CDC25A: variants seen among roughly 807,000 people sequenced by gnomAD.
CDC25A encodes cell division cycle 25A.
In CDC25A, 17 loss-of-function variants were observed where a neutral mutation model predicts 64.6. That is an observed-to-expected ratio of 0.26 (90% confidence interval 0.18 to 0.39). The LOEUF (loss-of-function observed/expected upper bound fraction) is 0.39. CDC25A is among the 10% of genes least tolerant of loss of function. The probability of loss-of-function intolerance (pLI) is 1.00; values close to 1 mark genes in which losing one functional copy is unlikely to be tolerated. For synonymous variants in CDC25A, 229 were observed against 238.6 expected (o/e 0.96, Z 0.37); for missense variants, 473 against 654.8 (o/e 0.72, Z 3.03).
At chr3:48,160,007 C>G (rs2031680957) in intron 13 of CDC25A, among the ~76,000 whole-genome samples, 2 of 152,154 alleles carry the variant, frequency 1.3e-5, no homozygotes, top group African/African-American at 2.4e-5. Flanking sequence ...CTCTACAGGC[C>G]CCTACTGCTG....
chr3:48,187,607 A>G (rs986052929), intron 1 of CDC25A, among the ~76,000 whole-genome samples, 171 bp downstream of exon 1: 35 of 152,322 alleles, frequency 2.3e-4, no homozygotes, highest in Admixed American at 1.4e-3. Context: ...CTCCCGCCCA[A>G]CATTCCGCCC....
chr3:48,162,061 A>C (rs998175273), intron 13 of CDC25A, among the ~76,000 whole-genome samples: 12 of 152,120 alleles, frequency 7.9e-5, no homozygotes, highest in Admixed American at 7.9e-4. Context: ...ACTACATCTC[A>C]AACAAACAAA....
intron 9 of CDC25A, 110 bp from the exon 10 acceptor site, chr3:48,168,054 G>A: frequency 1.6e-6 from 1 of 626,760 alleles, no homozygotes; most frequent in South Asian, 2.1e-5. Context: ...CCTACATTTA[G>A]TAAGAAGTTT....
intron 10 of CDC25A, among the ~76,000 whole-genome samples, chr3:48,166,191 G>C (rs1237788721): frequency 6.9e-6 from 1 of 144,644 alleles, no homozygotes; most frequent in Non-Finnish European, 1.6e-5. Context: ...GCTGGAGTGG[G>C]AAAATCGCTT....
chr3:48,176,622 G>A (rs1315346387), intron 8 of CDC25A, among the ~76,000 whole-genome samples: 2 of 147,550 alleles, frequency 1.4e-5, no homozygotes, highest in African/African-American at 5.0e-5. Flanking sequence ...CCAGCCTCAG[G>A]TAGGTATTTT....
At chr3:48,170,910 A>G (rs1415377014) in intron 9 of CDC25A, among the ~76,000 whole-genome samples, 2 of 152,170 alleles carry the variant, frequency 1.3e-5, no homozygotes, top group African/African-American at 2.4e-5. Context: ...AATGCTTGAC[A>G]TTTTCTCCAC....
Position 48,177,392 on chromosome 3 carries a change from G to C in CDC25A, c.735C>G (p.Leu245=). 6.2e-7 allele frequency: 1 copy of C among 1,613,772 alleles called. No homozygotes were observed. Among genetic ancestry groups the C allele is most frequent in the Non-Finnish European group, 8.5e-7 (1 of 1,179,694 alleles). ...TCACAAGGTTTGTAGTTCTCATGAC[G>C]AGAGGAGCTGTCCAGAGGCTTGCCA... ...SCMASLWTAP[L]VMRTTNLDNR... The change falls in exon 8 of 15, where the codon CTC becomes CTG. Residue 245 remains leucine, a synonymous_variant. Transcript: ENST00000302506.
chr3:48,161,197 A>G (rs1452312817), intron 13 of CDC25A: 1 of 152,418 alleles, frequency 6.6e-6, no homozygotes, highest in Non-Finnish European at 1.5e-5. Flanking sequence ...TGAATCCCAA[A>G]TCTTTCCCCA....
At chr3:48,172,890 A>G (rs2032319725) in intron 9 of CDC25A, among the ~76,000 whole-genome samples, 1 of 151,816 alleles carries the variant, frequency 6.6e-6, no homozygotes, top group African/African-American at 2.4e-5. Context: ...AACAGCCTAT[A>G]CAACTATGAG....
In CDC25A at chr3:48,159,430, G is replaced by A; in HGVS notation, c.1348C>T (p.Arg450Cys). Residue 450 changes from arginine (R) to cysteine (C), a missense_variant, in exon 14 of 15, where the codon CGC (arginine) becomes TGC (cysteine). Physicochemically the swap from Arg to Cys is radical, Grantham distance 180. Coordinates refer to ENST00000302506, the MANE Select transcript of CDC25A (RefSeq NM_001789.3). The stretch of plus-strand genomic sequence containing the variant: ...AGTTTGGGGTATTCATTACCCAGGC[G>A]ATCTCTCTCTCTCACATACCGGCAC... ...RMCRYVRERD[R>C]LGNEYPKLHY... 1 of 1,613,704 alleles carries A rather than the reference G, an allele frequency of 6.2e-7. No individual in the cohort carries two copies. Among genetic ancestry groups the A allele is most frequent in the Non-Finnish European group, 8.5e-7 (1 of 1,179,694 alleles).
At chr3:48,164,627 G>C (rs968782028) in intron 12 of CDC25A, among the ~76,000 whole-genome samples, 190 bp from the exon 13 acceptor site, 1 of 152,076 alleles carries the variant, frequency 6.6e-6, no homozygotes, top group African/African-American at 2.4e-5. Context: ...TTGTGGGTCC[G>C]TACACGTTCA....
intron 9 of CDC25A, among the ~76,000 whole-genome samples, chr3:48,173,684 G>A (rs1248852084): frequency 6.6e-6 from 1 of 152,296 alleles, no homozygotes; most frequent in East Asian, 1.9e-4. Flanking sequence ...CCCACCCAAG[G>A]TGTCAATGGA....
At chr3:48,175,690 A>G (rs2032429497) in intron 8 of CDC25A, among the ~76,000 whole-genome samples, 1 of 152,226 alleles carries the variant, frequency 6.6e-6, no homozygotes, top group Non-Finnish European at 1.5e-5. Flanking sequence ...TTACAAGCCC[A>G]TGCTTATGAC....
In CDC25A at chr3:48,158,769, C is replaced by A; in HGVS notation, c.*176G>T. On this transcript the variant is annotated 3_prime_UTR_variant, in exon 15 of 15. Transcript: ENST00000302506. ...ACAGGGACAGAAGAGGCGTAGCCAGCAAGATGCCCTGGGCTCCAACCTTGG... is the reference window on the plus strand; with the variant it reads ...ACAGGGACAGAAGAGGCGTAGCCAGAAAGATGCCCTGGGCTCCAACCTTGG... 1 of 710,302 alleles carries A rather than the reference C, an allele frequency of 1.4e-6. No individual in the cohort carries two copies. The allele number at this position is 710,302 out of a possible 1,614,324, so 44.0% of individuals were successfully genotyped here.
intron 5 of CDC25A, chr3:48,181,568 A>T (rs574085963): frequency 6.4e-7 from 1 of 1,564,908 alleles, no homozygotes; most frequent in African/African-American, 1.4e-5. Flanking sequence ...CTTACTTCAG[A>T]TTGTGCGGGA....
chr3:48,160,770 A>G (rs986208098), intron 13 of CDC25A, among the ~76,000 whole-genome samples: 5 of 152,050 alleles, frequency 3.3e-5, no homozygotes, highest in Admixed American at 2.6e-4. Context: ...TTTCTCTTGA[A>G]GCTCAGTGGT....
chr3:48,187,791 G>GCAGCTGGTC lies in CDC25A; in HGVS notation c.148_156dup (p.Asp50_Leu52dup), dbSNP rs1301117121. The GCAGCTGGTC allele has an allele frequency of 9.1e-6, 14 of 1,546,902 alleles. No homozygotes were observed. The highest frequency in any genetic ancestry group is 7.0e-6 in the Non-Finnish European group (8 of 1,144,728). ...GTCTCTCCTTACCTGCCCAGACCCT[G>GCAGCTGGTC]CAGCTGGTCCATAGTGACGGTCAGG... On this transcript the variant is annotated inframe_insertion, in exon 1 of 15. Transcript: ENST00000302506.
In CDC25A at chr3:48,158,744, A is replaced by C; in HGVS notation, c.*201T>G. On this transcript the variant is annotated 3_prime_UTR_variant, in exon 15 of 15. Coordinates refer to ENST00000302506, the MANE Select transcript of CDC25A (RefSeq NM_001789.3). The stretch of plus-strand genomic sequence containing the variant: ...TTCTGATATGGACGGAGGACGTCTA[A>C]CAGGGACAGAAGAGGCGTAGCCAGC... 1.6e-6 allele frequency: 1 copy of C among 609,804 alleles called. No individual in the cohort carries two copies. Among genetic ancestry groups the C allele is most frequent in the Non-Finnish European group, 2.9e-6 (1 of 345,456 alleles). The allele number at this position is 609,804 out of a possible 1,614,324, so 37.8% of individuals were successfully genotyped here.
intron 9 of CDC25A, among the ~76,000 whole-genome samples, chr3:48,170,707 G>A (rs2032238600): frequency 6.6e-6 from 1 of 152,144 alleles, no homozygotes; most frequent in African/African-American, 2.4e-5. Flanking sequence ...TTGGAGGGTG[G>A]GGCTGAAAGT....
Sources: gnomAD v4.1 joint callset for allele counts (sites outside exome capture counted in the v4.1 genomes callset) on GRCh38, gnomAD v4.1.1 for gene constraint, MANE v1.5 for transcripts, NCBI Gene and HGNC (gene_info 2026-07-23, HGNC 2026-07-21) for gene names.